COL24A1: variants seen among roughly 807,000 people sequenced by gnomAD.
COL24A1 encodes the protein collagen type XXIV alpha 1 chain.
In COL24A1, 224 loss-of-function variants were observed where a neutral mutation model predicts 253.9. The observed-to-expected ratio is 0.88, with a 90% CI of 0.79 to 0.99. The LOEUF is 0.99. Ranked by LOEUF, COL24A1 falls within the 50% of genes least tolerant of loss-of-function variation. COL24A1 has a pLI of 0.00. For synonymous variants in COL24A1, 685 were observed against 673.7 expected (o/e 1.02, Z -0.26); for missense variants, 2,131 against 2,068.5 (o/e 1.03, Z -0.59).
chr1:86,068,461 A>G (rs1009178219), intron 7 of COL24A1, among the ~76,000 whole-genome samples: 1 of 152,200 alleles, frequency 6.6e-6, no homozygotes, highest in Non-Finnish European at 1.5e-5. Context: ...CACATCCTCA[A>G]GGAACTTGAG....
At chr1:85,919,918 TAAC>T (rs1170500659) in intron 24 of COL24A1, among the ~76,000 whole-genome samples, 1 of 152,234 alleles carries the variant, frequency 6.6e-6, no homozygotes. Context: ...CTGTGAAATC[TAAC>T]TCAATTAGTT....
intron 45 of COL24A1, among the ~76,000 whole-genome samples, chr1:85,821,454 G>A (rs1570753533): frequency 6.6e-6 from 1 of 152,122 alleles, no homozygotes; most frequent in South Asian, 2.1e-4. Flanking sequence ...TGAAAATTAA[G>A]AGGGTTATCC....
At chr1:85,818,512 T>TG (rs1673275489) in intron 45 of COL24A1, among the ~76,000 whole-genome samples, 2 of 152,224 alleles carry the variant, frequency 1.3e-5, no homozygotes, top group Non-Finnish European at 2.9e-5. Flanking sequence ...TACAAGGCAC[T>TG]TACAGTGTGG....
At chr1:85,777,084 G>A (rs2101476100) in intron 52 of COL24A1, among the ~76,000 whole-genome samples, 1 of 151,908 alleles carries the variant, frequency 6.6e-6, no homozygotes, top group South Asian at 2.1e-4. Context: ...TGAGTAGCTG[G>A]GACTACAGGA....
chr1:85,737,190 A>G (rs551257793), intron 58 of COL24A1, among the ~76,000 whole-genome samples: 29 of 152,336 alleles, frequency 1.9e-4, no homozygotes, highest in African/African-American at 6.7e-4. Flanking sequence ...TAAGCCAAAT[A>G]ATAAAAAGAC....
chr1:85,859,861 T>C (rs1002625916), intron 37 of COL24A1, among the ~76,000 whole-genome samples: 2 of 152,210 alleles, frequency 1.3e-5, no homozygotes, highest in Non-Finnish European at 2.9e-5. Context: ...TGTGTGCCTA[T>C]AGTCCCAGCT....
chr1:86,059,220 C>T (rs41309191), intron 8 of COL24A1, 46 bp from the exon 9 acceptor site: 31,325 of 1,396,276 alleles, frequency 0.022, 484 homozygotes, highest in Middle Eastern at 0.064. Flanking sequence ...CCAAAGGAAA[C>T]AAATTTGGTA....
At chr1:86,074,353 G>C (rs1312829515) in intron 7 of COL24A1, among the ~76,000 whole-genome samples, 1 of 152,076 alleles carries the variant, frequency 6.6e-6, no homozygotes, top group East Asian at 1.9e-4. Context: ...GATCAAAAAA[G>C]ACAAAGAAGG....
chr1:85,881,248 AAAT>A (rs1681802471), intron 32 of COL24A1, among the ~76,000 whole-genome samples: 1 of 124 alleles, frequency 8.1e-3, no homozygotes, highest in Non-Finnish European at 0.015. Flanking sequence ...GATGGATATC[AAAT>A]CAAATCAAAT....
intron 55 of COL24A1, among the ~76,000 whole-genome samples, chr1:85,755,810 GA>G (rs1666178980): frequency 6.6e-6 from 1 of 151,262 alleles, no homozygotes; most frequent in South Asian, 2.1e-4. Context: ...AAGCAAATAG[GA>G]AAAGCTTGAT....
intron 7 of COL24A1, among the ~76,000 whole-genome samples, chr1:86,066,501 C>T (rs1458105036): frequency 6.6e-6 from 1 of 151,922 alleles, no homozygotes; most frequent in East Asian, 2.0e-4. Flanking sequence ...GCCTCGGCCT[C>T]CCAAAGTGCT....
At chr1:85,952,920 T>A (rs1690071241) in intron 24 of COL24A1, among the ~76,000 whole-genome samples, 1 of 152,298 alleles carries the variant, frequency 6.6e-6, no homozygotes, top group East Asian at 1.9e-4. Flanking sequence ...AGAACCACAA[T>A]GATTTTTCAC....
At chr1:85,942,908 A>G (rs770623542) in intron 24 of COL24A1, among the ~76,000 whole-genome samples, 3 of 152,170 alleles carry the variant, frequency 2.0e-5, no homozygotes, top group African/African-American at 4.8e-5. Context: ...TTAGGTGTCA[A>G]TTTGACTGGT....
At chr1:86,027,628 C>T (rs1698164371) in intron 14 of COL24A1, among the ~76,000 whole-genome samples, 2 of 152,166 alleles carry the variant, frequency 1.3e-5, no homozygotes, top group African/African-American at 4.8e-5. Context: ...GATGTCCAGG[C>T]AGAAGTTTGC....
chr1:85,758,518 C>T (rs867260840), intron 55 of COL24A1, among the ~76,000 whole-genome samples: 2 of 152,144 alleles, frequency 1.3e-5, no homozygotes, highest in South Asian at 2.1e-4. Context: ...TTACCATACA[C>T]ACTGAGGTCT....
intron 1 of COL24A1, chr1:86,156,114 C>T: frequency 2.4e-6 from 1 of 410,256 alleles, no homozygotes. Flanking sequence ...GCCAAAAGAT[C>T]GCTTTAGCAT....
chr1:86,117,131 C>G (rs1300572321), intron 3 of COL24A1, among the ~76,000 whole-genome samples: 2 of 152,184 alleles, frequency 1.3e-5, no homozygotes, highest in African/African-American at 4.8e-5. Context: ...AGTGTCCTGT[C>G]TCACTACTTG....
intron 19 of COL24A1, among the ~76,000 whole-genome samples, chr1:86,015,470 C>A (rs191765683): frequency 6.6e-6 from 1 of 152,122 alleles, no homozygotes; most frequent in South Asian, 2.1e-4. Flanking sequence ...GAAAACATGG[C>A]GCATGCATCC....
At chr1:85,909,793 T>C (rs528541337) in intron 26 of COL24A1, among the ~76,000 whole-genome samples, 157 bp downstream of exon 26, 1 of 152,040 alleles carries the variant, frequency 6.6e-6, no homozygotes, top group East Asian at 1.9e-4. Context: ...TAGTATCACA[T>C]AGCATTCTGG....
Sources: allele counts gnomAD v4.1 joint callset (sites outside exome capture counted in the v4.1 genomes callset), GRCh38; gene constraint gnomAD v4.1.1; transcripts MANE v1.5; gene names NCBI Gene and HGNC (gene_info 2026-07-23, HGNC 2026-07-21).